MARCHF1: variants seen among roughly 807,000 people sequenced by gnomAD.
MARCHF1 encodes membrane associated ring-CH-type finger 1.
A neutral mutation model predicts 54.2 loss-of-function variants in MARCHF1; 40 were observed. That is an observed-to-expected ratio of 0.74 (90% CI 0.57 to 0.96). MARCHF1 has a LOEUF of 0.96. Among genes scored for constraint, MARCHF1 ranks in the 40% least tolerant of loss-of-function variants. The pLI is 0.00. For missense variants in MARCHF1, 586 were observed against 656.5 expected (o/e 0.89, Z 1.17); for synonymous variants, 236 against 236.3 (o/e 1.00, Z 0.01).
At chr4:164,356,713 T>A (rs1233451489) in intron 1 of MARCHF1, among the ~76,000 whole-genome samples, 1 of 120,690 alleles carries the variant, frequency 8.3e-6, no homozygotes, top group Non-Finnish European at 1.7e-5. Context: ...TGTATACATA[T>A]GTAACTAACC....
intron 3 of MARCHF1, among the ~76,000 whole-genome samples, chr4:163,887,010 T>C (rs1171398069): frequency 6.6e-6 from 1 of 152,178 alleles, no homozygotes; most frequent in Non-Finnish European, 1.5e-5. Context: ...TGGACCCCCA[T>C]TTCCAACTTT....
chr4:163,660,738 A>G (rs1743319439), intron 5 of MARCHF1, among the ~76,000 whole-genome samples: 1 of 152,054 alleles, frequency 6.6e-6, no homozygotes, highest in Non-Finnish European at 1.5e-5. Flanking sequence ...ACAGACGGAT[A>G]TTAAACTTGT....
intron 4 of MARCHF1, among the ~76,000 whole-genome samples, chr4:163,797,919 T>C (rs1747964864): frequency 6.6e-6 from 1 of 152,178 alleles, no homozygotes; most frequent in African/African-American, 2.4e-5. Context: ...TTTGTGTTTG[T>C]GTGTCTGTAA....
chr4:163,843,119 T>C (rs1406719210), intron 4 of MARCHF1, among the ~76,000 whole-genome samples: 2 of 152,180 alleles, frequency 1.3e-5, no homozygotes, highest in South Asian at 2.1e-4. Flanking sequence ...ATGCAGTATT[T>C]GGTTTTCTGT....
chr4:163,543,077 C>T lies in MARCHF1; in HGVS notation c.1339+2519G>A, dbSNP rs188389056. 1.6e-3 allele frequency among the ~76,000 whole-genome samples: 244 copies of T among 152,122 alleles called. 1 individual carries two copies. The highest frequency in any genetic ancestry group is 5.4e-3 in the African/African-American group (224 of 41,490). On this transcript the variant is annotated intron_variant, in intron 9 of 9. Transcript: ENST00000514618. Reference sequence around the variant, plus strand: ...GGCCTAGCTGGCTTCAACTAGGTCACGGGGGCAGCATAGTCCCACTGAGGA... The same window carrying T: ...GGCCTAGCTGGCTTCAACTAGGTCATGGGGGCAGCATAGTCCCACTGAGGA...
At chr4:164,284,818 T>G (rs1233874004) in intron 1 of MARCHF1, among the ~76,000 whole-genome samples, 1 of 151,106 alleles carries the variant, frequency 6.6e-6, no homozygotes. Flanking sequence ...ATCGTATATG[T>G]TTAGCACATA....
At chr4:164,350,189 T>TATGTGTATGC (rs1204774359) in intron 1 of MARCHF1, among the ~76,000 whole-genome samples, 1 of 152,210 alleles carries the variant, frequency 6.6e-6, no homozygotes, top group East Asian at 1.9e-4. Flanking sequence ...GATGTGTATG[T>TATGTGTATGC]ATATGTATGT....
At chr4:163,603,688 C>T (rs2110895691) in intron 7 of MARCHF1, among the ~76,000 whole-genome samples, 1 of 152,204 alleles carries the variant, frequency 6.6e-6, no homozygotes, top group South Asian at 2.1e-4. Flanking sequence ...CTTAGAAGGC[C>T]ATCAAATGGA....
intron 1 of MARCHF1, among the ~76,000 whole-genome samples, chr4:164,341,452 A>G (rs773743518): frequency 6.6e-6 from 1 of 152,348 alleles, no homozygotes; most frequent in Non-Finnish European, 1.5e-5. Flanking sequence ...TAAAAAAAAT[A>G]AGTAAAATTG....
intron 1 of MARCHF1, among the ~76,000 whole-genome samples, chr4:164,290,063 C>T (rs1734250048): frequency 6.6e-6 from 1 of 151,608 alleles, no homozygotes; most frequent in South Asian, 2.1e-4. Context: ...AATTTCTTTT[C>T]CTGTGCCCTG....
chr4:163,997,080 T>C (rs1753091326), intron 2 of MARCHF1, among the ~76,000 whole-genome samples: 2 of 151,976 alleles, frequency 1.3e-5, no homozygotes, highest in Admixed American at 6.6e-5. Context: ...ACTCAGATGA[T>C]AGCAATGGGC....
At chr4:163,720,917 G>C (rs1242860382) in intron 4 of MARCHF1, among the ~76,000 whole-genome samples, 2 of 152,206 alleles carry the variant, frequency 1.3e-5, no homozygotes, top group Non-Finnish European at 2.9e-5. Flanking sequence ...ATCAGCTTAA[G>C]GAGATTTTGG....
intron 2 of MARCHF1, among the ~76,000 whole-genome samples, chr4:164,067,146 A>ATGT (rs1754748265): frequency 6.6e-6 from 1 of 152,190 alleles, no homozygotes; most frequent in South Asian, 2.1e-4. Context: ...TTATTTGATC[A>ATGT]TTACAATGTC....
chr4:164,241,618 GA>G (rs1176445088), intron 1 of MARCHF1, among the ~76,000 whole-genome samples: 1 of 152,154 alleles, frequency 6.6e-6, no homozygotes, highest in East Asian at 1.9e-4. Context: ...AGAAATGGGG[GA>G]GGAGCCAAGA....
intron 3 of MARCHF1, among the ~76,000 whole-genome samples, chr4:163,858,945 G>A (rs896953330): frequency 5.9e-5 from 9 of 152,080 alleles, no homozygotes; most frequent in African/African-American, 2.2e-4. Context: ...ATGTGTCCTG[G>A]GGGTCTTTTT....
intron 1 of MARCHF1, among the ~76,000 whole-genome samples, chr4:164,277,397 A>AT (rs1434740233): frequency 6.6e-6 from 1 of 152,266 alleles, no homozygotes; most frequent in Non-Finnish European, 1.5e-5. Flanking sequence ...ATTCTACAAT[A>AT]TAAGTTCCTG....
chr4:164,119,729 T>C (rs974942192), intron 1 of MARCHF1, among the ~76,000 whole-genome samples: 13 of 151,812 alleles, frequency 8.6e-5, no homozygotes, highest in African/African-American at 3.1e-4. Flanking sequence ...TTTATGCAAA[T>C]AAATTTGAAA....
chr4:164,008,861 A>T (rs1381389620), intron 2 of MARCHF1, among the ~76,000 whole-genome samples: 1 of 151,996 alleles, frequency 6.6e-6, no homozygotes, highest in Non-Finnish European at 1.5e-5. Context: ...AGCAAGAAAC[A>T]CCTATATCAA....
intron 4 of MARCHF1, among the ~76,000 whole-genome samples, chr4:163,742,703 C>T (rs1042566019): frequency 6.6e-6 from 1 of 151,898 alleles, no homozygotes; most frequent in African/African-American, 2.4e-5. Context: ...GTCTCGAACT[C>T]CTAGGCTGGA....
Sources: allele counts gnomAD v4.1 joint callset (sites outside exome capture counted in the v4.1 genomes callset), GRCh38; gene constraint gnomAD v4.1.1; transcripts MANE v1.5; gene names NCBI Gene and HGNC (gene_info 2026-07-23, HGNC 2026-07-21).